The following CCSER1 variants were observed in gnomAD, a reference collection of about 807,000 sequenced individuals.
The protein encoded by CCSER1 is serine-rich coiled-coil domain-containing protein 1.
Under a neutral mutation model 82.0 loss-of-function variants are expected in CCSER1, and 41 were observed. The observed-to-expected ratio is 0.50, with a 90% confidence interval of 0.39 to 0.65. The LOEUF (loss-of-function observed/expected upper bound fraction) is 0.65. CCSER1 is among the 30% of genes least tolerant of loss of function. The pLI is 0.00. For synonymous variants in CCSER1, 414 were observed against 383.9 expected, an observed-to-expected ratio of 1.08 and a Z score of -0.92; for missense variants, 1,119 against 1,064.2, an observed-to-expected ratio of 1.05 and a Z score of -0.72.
chr4:91,037,192 C>T (rs1232252726), intron 9 of CCSER1, among the ~76,000 whole-genome samples: 1 of 151,960 alleles, frequency 6.6e-6, no homozygotes, highest in African/African-American at 2.4e-5. Flanking sequence ...CTCTTCCCTT[C>T]TGTCCCCCAA....
chr4:90,336,371 A>T (rs1372111659), intron 3 of CCSER1, among the ~76,000 whole-genome samples: 3 of 152,344 alleles, frequency 2.0e-5, no homozygotes, highest in East Asian at 1.9e-4. Flanking sequence ...ATAGGACTCT[A>T]CATGTGTCAT....
intron 3 of CCSER1, among the ~76,000 whole-genome samples, chr4:90,349,978 CA>C (rs1743134034): frequency 6.6e-6 from 1 of 152,084 alleles, no homozygotes; most frequent in South Asian, 2.1e-4. Flanking sequence ...AGAAGATAAA[CA>C]GTTCTGCATC....
At chr4:91,524,452 G>A (rs1481696468) in intron 10 of CCSER1, among the ~76,000 whole-genome samples, 2 of 152,164 alleles carry the variant, frequency 1.3e-5, no homozygotes, top group Non-Finnish European at 2.9e-5. Flanking sequence ...GTTACAAGAT[G>A]CTCTGGCTTA....
At chr4:90,317,244 A>G (rs1415671168) in intron 3 of CCSER1, among the ~76,000 whole-genome samples, 4 of 152,182 alleles carry the variant, frequency 2.6e-5, no homozygotes, top group Admixed American at 2.0e-4. Context: ...TATAATGAAC[A>G]ATACAGAAGA....
At chr4:90,756,622 TTGATA>T (rs1749574327) in intron 7 of CCSER1, among the ~76,000 whole-genome samples, 1 of 152,228 alleles carries the variant, frequency 6.6e-6, no homozygotes, top group African/African-American at 2.4e-5. Context: ...AATTTTAATT[TTGATA>T]TATTTGTGAC....
At chr4:90,389,891 G>A (rs968113439) in intron 3 of CCSER1, among the ~76,000 whole-genome samples, 5 of 151,928 alleles carry the variant, frequency 3.3e-5, no homozygotes, top group African/African-American at 7.3e-5. Flanking sequence ...CCAACTCTTG[G>A]CCTTAAGCAA....
intron 6 of CCSER1, among the ~76,000 whole-genome samples, chr4:90,664,384 A>G (rs1308094756): frequency 6.6e-6 from 1 of 152,206 alleles, no homozygotes; most frequent in Middle Eastern, 3.2e-3. Context: ...TTCTCACAGG[A>G]TAAACAAGGC....
At chr4:91,071,348 A>G (rs935372094) in intron 9 of CCSER1, among the ~76,000 whole-genome samples, 1 of 152,224 alleles carries the variant, frequency 6.6e-6, no homozygotes, top group African/African-American at 2.4e-5. Flanking sequence ...TTGTAATATT[A>G]AATAGAGTGG....
intron 5 of CCSER1, among the ~76,000 whole-genome samples, chr4:90,494,015 G>C (rs897848632): frequency 6.6e-6 from 1 of 152,138 alleles, no homozygotes; most frequent in South Asian, 2.1e-4. Context: ...GTATTCAGGA[G>C]ACCCATCTCA....
At chr4:90,944,207 G>A (rs1242293404) in intron 9 of CCSER1, among the ~76,000 whole-genome samples, 3 of 149,296 alleles carry the variant, frequency 2.0e-5, no homozygotes, top group Admixed American at 1.3e-4. Context: ...ACTCCAGCCT[G>A]GGTGACAGAG....
chr4:90,919,089 T>TAAAAAAA (rs71596538), intron 8 of CCSER1, among the ~76,000 whole-genome samples: 6 of 87,182 alleles, frequency 6.9e-5, no homozygotes, highest in Admixed American at 1.4e-4. Flanking sequence ...GTTTCCACAG[T>TAAAAAAA]AAAAAAAAAA....
chr4:91,316,707 C>A (rs1339472267), intron 10 of CCSER1, among the ~76,000 whole-genome samples: 1 of 151,980 alleles, frequency 6.6e-6, no homozygotes, highest in African/African-American at 2.4e-5. Context: ...TTCTTCTACT[C>A]CTGTCTCCTA....
intron 10 of CCSER1, among the ~76,000 whole-genome samples, chr4:91,430,007 T>G (rs1261317512): frequency 6.6e-6 from 1 of 152,060 alleles, no homozygotes; most frequent in Non-Finnish European, 1.5e-5. Flanking sequence ...GTGTAACACT[T>G]TAAAAAATTT....
rs369849812 is a variant in CCSER1, at chr4:91,225,164, A to G, written c.2217+139170A>G. 4.1e-4 allele frequency among the ~76,000 whole-genome samples: 33 copies of G among 81,224 alleles called. No individual in the cohort carries two copies. In the East Asian group the frequency reaches 0.033, roughly 82 times the overall value. 53.3% of individuals were successfully genotyped at this position (81,224 alleles called of 152,430 possible). ...TGGAAACAAGAAATATGATATATAT[A>G]TGTGTGTGTGTATATATGTATATAA... On this transcript the variant is annotated intron_variant, in intron 10 of 10. Transcript: ENST00000509176.
intron 10 of CCSER1, among the ~76,000 whole-genome samples, chr4:91,349,463 TA>T (rs1748317998): frequency 6.6e-6 from 1 of 152,134 alleles, no homozygotes; most frequent in Non-Finnish European, 1.5e-5. Flanking sequence ...TCTAAAGTCT[TA>T]CATTAGGCCT....
intron 1 of CCSER1, among the ~76,000 whole-genome samples, chr4:90,128,093 C>A (rs1198704002): frequency 6.6e-6 from 1 of 152,150 alleles, no homozygotes; most frequent in Non-Finnish European, 1.5e-5. Flanking sequence ...TTCCTCCACG[C>A]TGCTGCGTGG....
At chr4:90,996,568 T>G (rs1581287650) in intron 9 of CCSER1, among the ~76,000 whole-genome samples, 1 of 152,164 alleles carries the variant, frequency 6.6e-6, no homozygotes, top group East Asian at 1.9e-4. Context: ...TATGTAACTT[T>G]CATCAGTTGG....
chr4:91,360,301 A>G (rs1034638012), intron 10 of CCSER1, among the ~76,000 whole-genome samples: 2 of 151,826 alleles, frequency 1.3e-5, no homozygotes, highest in African/African-American at 2.4e-5. Context: ...AATAATATGA[A>G]AAAAAGATCT....
intron 5 of CCSER1, among the ~76,000 whole-genome samples, chr4:90,482,500 T>G (rs904600547): frequency 2.6e-5 from 4 of 152,228 alleles, no homozygotes; most frequent in Non-Finnish European, 5.9e-5. Context: ...CTTTCTCTTG[T>G]GGGCATTTAG....
Sources: gnomAD v4.1 joint callset for allele counts (sites outside exome capture counted in the v4.1 genomes callset) on GRCh38, gnomAD v4.1.1 for gene constraint, MANE v1.5 for transcripts, NCBI Gene and HGNC (gene_info 2026-07-23, HGNC 2026-07-21) for gene names.